The following KIF1A variants were observed in gnomAD, a reference collection of about 807,000 sequenced individuals.
KIF1A encodes kinesin family member 1A.
A neutral mutation model predicts 227.3 loss-of-function variants in KIF1A; 46 were observed. The observed-to-expected ratio is 0.20, with a 90% CI of 0.16 to 0.26. The LOEUF (loss-of-function observed/expected upper bound fraction) is 0.26. Ranked by LOEUF, KIF1A falls within the 10% of genes least tolerant of loss-of-function variation. The pLI, the probability that KIF1A is intolerant of heterozygous loss-of-function variation, is 1.00. For missense variants in KIF1A, 1,683 were observed against 2,485.9 expected (o/e 0.68, Z 6.87); for synonymous variants, 1,022 against 1,012.8 (o/e 1.01, Z -0.17).
At chr2:240,812,897 C>T (rs1290589034) in intron 1 of KIF1A, among the ~76,000 whole-genome samples, 5 of 149,368 alleles carry the variant, frequency 3.3e-5, no homozygotes, top group South Asian at 2.1e-4. Context: ...GCCTTCACCT[C>T]GGGGATCCGC....
rs1450750151 is a variant in KIF1A at position 240,743,951 on chromosome 2, T to G, written c.3575A>C (p.Asp1192Ala). 1 of 1,612,366 alleles carries G rather than the reference T, an allele frequency of 6.2e-7. No homozygotes were observed. Among genetic ancestry groups the G allele is most frequent in the Admixed American group, 1.7e-5 (1 of 60,008 alleles). ...QQHPFPPLCKDVLSPLRPSRR... is the reference protein window; with the variant it reads ...QQHPFPPLCKAVLSPLRPSRR... The stretch of plus-strand genomic sequence containing the variant: ...GACCCAGGGCGCTAACCTGAGCACG[T>G]CCTTGCAGAGGGGCGGGAACGGGTG... Residue 1192 changes from aspartate (D) to alanine (A), a missense_variant, in exon 33 of 49, where the codon GAC becomes GCC. By Grantham distance (126) the Asp-to-Ala change is moderately radical. Around this residue, in one of 12 missense-constraint regions of KIF1A, gnomAD observed 759 missense variants for 1,020.2 expected, o/e 0.74. Coordinates refer to ENST00000498729, the MANE Select transcript of KIF1A (RefSeq NM_001244008.2).
intron 2 of KIF1A, among the ~76,000 whole-genome samples, chr2:240,791,830 C>T (rs1245549159): frequency 6.6e-6 from 1 of 152,088 alleles, no homozygotes; most frequent in Non-Finnish European, 1.5e-5. Context: ...TGGGAGAATC[C>T]CTCAGGCCTG....
chr2:240,783,824 A>G lies in KIF1A; in HGVS notation c.721-8T>C. On this transcript the variant is annotated splice_polypyrimidine_tract_variant and splice_region_variant and intron_variant, in intron 7 of 48. Coordinates refer to ENST00000498729, the MANE Select transcript of KIF1A (RefSeq NM_001244008.2). ...CAGGCTGATTTTGCTCACCTGAAAC[A>G]GTAGATACATCACATGCAGGAAAGG... 2 of 1,582,966 alleles carry G rather than the reference A, an allele frequency of 1.3e-6. No homozygotes were observed. The highest frequency in any genetic ancestry group is 1.7e-6 in the Non-Finnish European group (2 of 1,163,800).
rs1454271542 is a variant in KIF1A, at chr2:240,766,749, T to TCTCA, written c.1684+165_1684+166insTGAG. Among the ~76,000 whole-genome samples, 669 of 108,994 alleles carry TCTCA rather than the reference T, an allele frequency of 6.1e-3. 7 individuals carry two copies. The highest frequency in any genetic ancestry group is 0.019 in the African/African-American group (469 of 24,152). 71.5% of individuals were successfully genotyped at this position (108,994 alleles called of 152,430 possible). On this transcript the variant is annotated intron_variant, in intron 19 of 48. Coordinates refer to ENST00000498729, the MANE Select transcript of KIF1A (RefSeq NM_001244008.2). This position sits in a 1 kb window ranked among gnomAD's most constrained non-coding sequence, Gnocchi z 5.0. ...CTCTCTCTCTCTCTCTCTCTCTCTC[T>TCTCA]CACACACACACACACACACACACAC...
intron 27 of KIF1A, among the ~76,000 whole-genome samples, chr2:240,751,180 C>T (rs945788235): frequency 6.6e-6 from 1 of 152,156 alleles, no homozygotes; most frequent in Non-Finnish European, 1.5e-5. Flanking sequence ...TTCCTAGGAC[C>T]GGCCTAGGCA....
At position 240,740,488 on chromosome 2, in the gene KIF1A, G is replaced by T. The variant is rs1217881631; in HGVS notation, c.3750-124C>A. 6.3e-6 allele frequency: 5 copies of T among 793,596 alleles called. No individual in the cohort carries two copies. Among genetic ancestry groups the T allele is most frequent in the Non-Finnish European group, 1.1e-5 (5 of 470,662 alleles). 49.2% of individuals were successfully genotyped at this position (793,596 alleles called of 1,614,324 possible). ...CAGCAGCTCCCTCTGGTGAAGATCA[G>T]GTGGTCTGATCCATGGAGACCACGG... On this transcript the variant is annotated intron_variant, in intron 35 of 48. Transcript: ENST00000498729. The surrounding 1 kb of genome is among the most constrained non-coding windows in gnomAD (Gnocchi z 6.1).
chr2:240,740,371 G>A lies in KIF1A; in HGVS notation c.3750-7C>T. Reference sequence around the variant, plus strand: ...CACCACGGCCGGGATGTAACTGGAAGAGAGAGACACATGTGAGGAGCGGCC... The same window carrying A: ...CACCACGGCCGGGATGTAACTGGAAAAGAGAGACACATGTGAGGAGCGGCC... On this transcript the variant is annotated splice_polypyrimidine_tract_variant and splice_region_variant and intron_variant, in intron 35 of 48. Transcript: ENST00000498729. This position sits in a 1 kb window ranked among gnomAD's most constrained non-coding sequence, Gnocchi z 6.1. 6.2e-7 allele frequency: 1 copy of A among 1,613,272 alleles called. No individual in the cohort carries two copies. The highest frequency in any genetic ancestry group is 1.1e-5 in the South Asian group (1 of 91,062).
rs2044510766 is a variant in KIF1A at position 240,715,429 on chromosome 2, T to C, written c.*1935A>G. 6.6e-6 allele frequency: 1 copy of C among 152,184 alleles called. No homozygotes were observed. Among genetic ancestry groups the C allele is most frequent in the African/African-American group, 2.4e-5 (1 of 41,394 alleles). 9.4% of individuals were successfully genotyped at this position (152,184 alleles called of 1,614,324 possible). On this transcript the variant is annotated 3_prime_UTR_variant, in exon 49 of 49. Transcript: ENST00000498729. ...CCCCCCATCAGCCCCTGGGAGAGCCTCCCAGGCAGGGGATGAGGGTGGCGG... is the reference window on the plus strand; with the variant it reads ...CCCCCCATCAGCCCCTGGGAGAGCCCCCCAGGCAGGGGATGAGGGTGGCGG...
chr2:240,721,871 A>G lies in KIF1A; in HGVS notation c.4679T>C (p.Leu1560Pro). The change falls in exon 44 of 49, where the codon CTC becomes CCC. Residue 1560 changes from leucine to proline, a missense_variant. By Grantham distance (98) the Leu-to-Pro change is moderately conservative. This residue lies in a region of KIF1A where 384 missense variants were observed against 410.1 expected (regional missense o/e 0.94). Coordinates refer to ENST00000498729, the MANE Select transcript of KIF1A (RefSeq NM_001244008.2). ...GTACTCTCTGTTGAATGTGTGCGTG[A>G]GCAGGCGCAAGCACTGTGGACAGAG... Reference protein sequence around the residue: ...RELAVKCLRLLTHTFNREYTH... With the variant: ...RELAVKCLRLPTHTFNREYTH... 6.2e-7 allele frequency: 1 copy of G among 1,605,668 alleles called. No homozygotes were observed.
intron 32 of KIF1A, among the ~76,000 whole-genome samples, chr2:240,744,416 G>A (rs2048353618): frequency 6.6e-6 from 1 of 152,230 alleles, no homozygotes; most frequent in South Asian, 2.1e-4. Flanking sequence ...AGAGTTATGG[G>A]TTGGACCATG....
At chr2:240,811,450 C>T (rs2057857246) in intron 1 of KIF1A, among the ~76,000 whole-genome samples, 1 of 152,210 alleles carries the variant, frequency 6.6e-6, no homozygotes, top group Non-Finnish European at 1.5e-5. Flanking sequence ...AGCCACGTGG[C>T]CCCAAGGGTG....
intron 1 of KIF1A, among the ~76,000 whole-genome samples, chr2:240,815,341 G>C (rs1356652068): frequency 2.6e-5 from 4 of 152,170 alleles, no homozygotes; most frequent in Non-Finnish European, 5.9e-5. Flanking sequence ...CTGAGGTGGG[G>C]GCAGGAACCC....
Position 240,775,854 on chromosome 2 carries a change from G to C in KIF1A, c.955C>G (p.Leu319Val). 1 of 1,603,936 alleles carries C rather than the reference G, an allele frequency of 6.2e-7. No individual in the cohort carries two copies. The highest frequency in any genetic ancestry group is 8.5e-7 in the Non-Finnish European group (1 of 1,170,662). The change falls in exon 11 of 49, where the codon CTG (leucine) becomes GTG (valine). Residue 319 changes from leucine to valine, a missense_variant. Physicochemically the swap from Leu to Val is conservative, Grantham distance 32. Coordinates refer to ENST00000498729, the MANE Select transcript of KIF1A (RefSeq NM_001244008.2). This position sits in a 1 kb window ranked among gnomAD's most constrained non-coding sequence, Gnocchi z 5.5. ...SVLTWLLREN[L>V]GGNSRTAMVA... Reference sequence around the variant, plus strand: ...AGGCAAACCCACAAGTTCTCACCCAGGTTTTCCCGGAGGAGCCAGGTCAAC... The same window carrying C: ...AGGCAAACCCACAAGTTCTCACCCACGTTTTCCCGGAGGAGCCAGGTCAAC...
At chr2:240,799,086 T>G in intron 1 of KIF1A, among the ~76,000 whole-genome samples, 1 of 151,886 alleles carries the variant, frequency 6.6e-6, no homozygotes, top group Non-Finnish European at 1.5e-5. Flanking sequence ...CTCATAGCTG[T>G]GAAGAAGGGA....
At chr2:240,809,362 G>A (rs1313824666) in intron 1 of KIF1A, among the ~76,000 whole-genome samples, 2 of 152,212 alleles carry the variant, frequency 1.3e-5, no homozygotes, top group Non-Finnish European at 1.5e-5. Flanking sequence ...GCCCTGGCAT[G>A]AAGTCGGGCT....
chr2:240,727,793 G>A (rs1019979040), intron 38 of KIF1A, among the ~76,000 whole-genome samples: 2 of 152,206 alleles, frequency 1.3e-5, no homozygotes, highest in African/African-American at 4.8e-5. Flanking sequence ...CACCTTGGGT[G>A]CCCTCTGCTC....
chr2:240,717,987 G>T, intron 48 of KIF1A, 63 bp downstream of exon 48: 1 of 1,065,664 alleles, frequency 9.4e-7, no homozygotes, highest in East Asian at 2.6e-5. Flanking sequence ...AAATGGTCCT[G>T]GCCAGGAGCC....
At chr2:240,807,130 G>GTGTATATATATA (rs1356399506) in intron 1 of KIF1A, among the ~76,000 whole-genome samples, 11 of 119,450 alleles carry the variant, frequency 9.2e-5, no homozygotes, top group African/African-American at 3.4e-4. Context: ...GTGTGTGTGT[G>GTGTATATATATA]TATATATATA....
rs371280304 is a variant in KIF1A at position 240,776,246 on chromosome 2, T to C, written c.883-320A>G. Among the ~76,000 whole-genome samples the C allele has an allele frequency of 3.9e-5, 6 of 152,268 alleles. No individual in the cohort carries two copies. In the East Asian group the frequency reaches 1.2e-3, roughly 29 times the overall value. On this transcript the variant is annotated intron_variant, in intron 10 of 48. Coordinates refer to ENST00000498729, the MANE Select transcript of KIF1A (RefSeq NM_001244008.2). ...AGTGCTGATGTCACCAGCAAGTGTG[T>C]CCTCCCTCCACTCTGTCTGAAGGAC...
Sources: allele counts gnomAD v4.1 joint callset (sites outside exome capture counted in the v4.1 genomes callset), GRCh38; gene constraint gnomAD v4.1.1; regional missense constraint gnomAD v4.1.1; non-coding constraint Gnocchi (gnomAD v3.1); transcripts MANE v1.5; gene names NCBI Gene and HGNC (gene_info 2026-07-23, HGNC 2026-07-21).